MCTP1: variants seen among roughly 807,000 people sequenced by gnomAD.
The protein encoded by MCTP1 is multiple C2 and transmembrane domain containing 1.
In MCTP1, 69 loss-of-function variants were observed where a neutral mutation model predicts 120.6. The ratio of observed to expected loss-of-function variants is 0.57; its 90% CI spans 0.47 to 0.70. The LOEUF is 0.70. Among genes scored for constraint, MCTP1 ranks in the 30% least tolerant of loss-of-function variants. The pLI is 0.00. For missense variants in MCTP1, 1,203 were observed against 1,248.8 expected (o/e 0.96, Z 0.55); for synonymous variants, 529 against 493.1 (o/e 1.07, Z -0.96).
At chr5:94,735,558 T>G (rs1395787375) in intron 19 of MCTP1, among the ~76,000 whole-genome samples, 1 of 152,180 alleles carries the variant, frequency 6.6e-6, no homozygotes, top group Non-Finnish European at 1.5e-5. Flanking sequence ...ATTATAGGCA[T>G]GAGCCACTGT....
At chr5:95,192,591 G>C (rs1421882868) in intron 1 of MCTP1, among the ~76,000 whole-genome samples, 1 of 152,002 alleles carries the variant, frequency 6.6e-6, no homozygotes, top group Non-Finnish European at 1.5e-5. Context: ...ATTTATTTAA[G>C]ATCAAGGAGG....
chr5:94,708,583 G>A lies in MCTP1; in HGVS notation c.2857C>T (p.Arg953Trp), dbSNP rs377276888. Reference protein sequence around the residue: ...WGINKFTKKLRSPYAIDNNEL... With the variant: ...WGINKFTKKLWSPYAIDNNEL... ...TTGTTATCAATTGCATATGGACTCC[G>A]AAGCTTTTTTGTAAATTTATTGATG... is the stretch of plus-strand genomic sequence containing the variant. Residue 953 changes from arginine (R) to tryptophan (W), a missense_variant, in exon 22 of 23, where the codon CGG becomes TGG. By Grantham distance (101) the Arg-to-Trp change is moderately radical (BLOSUM62 -3). Transcript: ENST00000515393. 23 of 1,610,314 alleles carry A rather than the reference G, an allele frequency of 1.4e-5. No individual in the cohort carries two copies. In the African/African-American group the frequency reaches 1.6e-4, roughly 11 times the overall value.
intron 2 of MCTP1, among the ~76,000 whole-genome samples, chr5:94,998,124 A>G (rs1468467430): frequency 3.3e-5 from 5 of 152,210 alleles, no homozygotes; most frequent in African/African-American, 9.6e-5. Flanking sequence ...AAAAGGGTGT[A>G]TTTTTATGCT....
At chr5:94,726,738 T>C (rs72773586) in intron 19 of MCTP1, among the ~76,000 whole-genome samples, 21,470 of 152,220 alleles carry the variant, frequency 0.14, 1,733 homozygotes, top group East Asian at 0.33. Context: ...TTGGAGAAGC[T>C]AAGTTTTCAT....
At chr5:94,892,180 T>C (rs980379294) in intron 11 of MCTP1, among the ~76,000 whole-genome samples, 2 of 152,148 alleles carry the variant, frequency 1.3e-5, no homozygotes, top group Non-Finnish European at 2.9e-5. Context: ...ATCTCTGTTA[T>C]GGAGAAAATT....
chr5:94,919,691 GTT>G (rs1188392145), intron 7 of MCTP1, among the ~76,000 whole-genome samples: 1 of 152,176 alleles, frequency 6.6e-6, no homozygotes, highest in Admixed American at 6.5e-5. Flanking sequence ...TAGAATGACT[GTT>G]TTGTGCTGCA....
chr5:95,244,649 G>A (rs558194803), intron 1 of MCTP1, among the ~76,000 whole-genome samples: 13 of 152,332 alleles, frequency 8.5e-5, no homozygotes, highest in Non-Finnish European at 1.5e-4. Context: ...CATTGCTGAG[G>A]CTTAAGTAGC....
At chr5:95,065,035 T>C (rs1335750613) in intron 1 of MCTP1, among the ~76,000 whole-genome samples, 1 of 152,196 alleles carries the variant, frequency 6.6e-6, no homozygotes, top group Non-Finnish European at 1.5e-5. Context: ...CAAAAAAAGA[T>C]AAATTTTGCC....
chr5:94,955,508 A>G (rs1272658527), intron 2 of MCTP1, among the ~76,000 whole-genome samples: 1 of 152,140 alleles, frequency 6.6e-6, no homozygotes, highest in African/African-American at 2.4e-5. Context: ...GAAAGCTAAG[A>G]TCCACTGGCT....
chr5:94,918,644 T>A lies in MCTP1; in HGVS notation c.1273-671A>T, dbSNP rs1445268772. On this transcript the variant is annotated intron_variant, in intron 7 of 22. Coordinates refer to ENST00000515393, the MANE Select transcript of MCTP1 (RefSeq NM_024717.7). ...ATCATGGTGGGACTGAAAGTTTATA[T>A]TACAGGTCTTCTGGAGCAGTTAAAG... Among the ~76,000 whole-genome samples the A allele has an allele frequency of 2.0e-5, 3 of 152,186 alleles. No homozygotes were observed. In the East Asian group the frequency reaches 5.8e-4, roughly 29 times the overall value.
chr5:94,750,460 CTTG>C (rs1001075289), intron 19 of MCTP1, among the ~76,000 whole-genome samples: 3 of 152,120 alleles, frequency 2.0e-5, no homozygotes, highest in African/African-American at 7.2e-5. Flanking sequence ...TCTTTTTGGG[CTTG>C]TAGTAGGACT....
rs1427294511 is a variant in MCTP1, at chr5:95,061,427, T to G, written c.721-43943A>C. 9.5e-3 allele frequency among the ~76,000 whole-genome samples: 451 copies of G among 47,422 alleles called. 32 individuals are homozygous for G. Among genetic ancestry groups the G allele is most frequent in the Non-Finnish European group, 0.015 (332 of 22,818 alleles). 31.1% of individuals were successfully genotyped at this position (47,422 alleles called of 152,430 possible). On this transcript the variant is annotated intron_variant, in intron 1 of 22. Transcript: ENST00000515393. The stretch of plus-strand genomic sequence containing the variant: ...TTAAGGGTTTTTTTTTTTTTTTTTT[T>G]TTTTTTTTTTTTTTTTTTTTTTTTT...
At chr5:94,980,224 C>A (rs1334659536) in intron 2 of MCTP1, among the ~76,000 whole-genome samples, 1 of 152,120 alleles carries the variant, frequency 6.6e-6, no homozygotes, top group African/African-American at 2.4e-5. Context: ...TTAACAACAG[C>A]AGCAAAGCAA....
intron 1 of MCTP1, among the ~76,000 whole-genome samples, chr5:95,106,345 G>A (rs768819566): frequency 6.6e-6 from 1 of 152,208 alleles, no homozygotes; most frequent in Non-Finnish European, 1.5e-5. Flanking sequence ...GGCAACAGAA[G>A]TCTGGAGCTG....
At chr5:94,938,945 T>C (rs186129969) in intron 5 of MCTP1, among the ~76,000 whole-genome samples, 2 of 152,236 alleles carry the variant, frequency 1.3e-5, no homozygotes, top group East Asian at 1.9e-4. Flanking sequence ...CACACATACA[T>C]ACATAATTTT....
intron 1 of MCTP1, among the ~76,000 whole-genome samples, chr5:95,035,259 A>G (rs988999829): frequency 3.3e-5 from 5 of 151,978 alleles, no homozygotes; most frequent in African/African-American, 1.2e-4. Flanking sequence ...TATTTAAAAA[A>G]ACCTGCATTT....
At chr5:95,023,518 G>T (rs66648054) in intron 1 of MCTP1, among the ~76,000 whole-genome samples, 4 of 152,110 alleles carry the variant, frequency 2.6e-5, no homozygotes, top group African/African-American at 9.7e-5. Flanking sequence ...TGACACCCAC[G>T]GTAGACAGCA....
rs2152508143 is a variant in MCTP1, at chr5:94,705,268, T to TG, written c.*2227dup. The TG allele has an allele frequency of 6.6e-6, 1 of 151,612 alleles. No individual in the cohort carries two copies. Among genetic ancestry groups the TG allele is most frequent in the East Asian group, 2.0e-4 (1 of 5,128 alleles). 9.4% of individuals were successfully genotyped at this position (151,612 alleles called of 1,614,324 possible). A position where few individuals can be genotyped will look rare whatever the true frequency, so the allele number is the denominator to read the frequency against. On this transcript the variant is annotated 3_prime_UTR_variant, in exon 23 of 23. Transcript: ENST00000515393. Reference sequence around the variant, plus strand: ...AACTATACATATTCTGTTTTCAGCCTGTGAATGTAGTAGTTTCTAAAAGCA... The same window carrying TG: ...AACTATACATATTCTGTTTTCAGCCTGGTGAATGTAGTAGTTTCTAAAAGCA...
At chr5:95,257,327 T>C (rs964090843) in intron 1 of MCTP1, among the ~76,000 whole-genome samples, 1 of 152,208 alleles carries the variant, frequency 6.6e-6, no homozygotes, top group African/African-American at 2.4e-5. Context: ...ACAAGATCTG[T>C]CTCATTTTAC....
Sources: gnomAD v4.1 joint callset for allele counts (sites outside exome capture counted in the v4.1 genomes callset) on GRCh38, gnomAD v4.1.1 for gene constraint, MANE v1.5 for transcripts, NCBI Gene and HGNC (gene_info 2026-07-23, HGNC 2026-07-21) for gene names.